Variants in ANKRD11 observed in about 807,000 individuals in gnomAD.
ANKRD11 encodes the protein ankyrin repeat domain 11.
In ANKRD11, 17 loss-of-function variants were observed where a neutral mutation model predicts 195.7. The observed-to-expected ratio is 0.09, with a 90% confidence interval of 0.06 to 0.13. ANKRD11 has a LOEUF of 0.13. ANKRD11 is among the 10% of genes least tolerant of loss of function. The pLI is 1.00. For missense variants in ANKRD11, 3,735 were observed against 3,566.1 expected (o/e 1.05, Z -1.21); for synonymous variants, 1,953 against 1,528.1 (o/e 1.28, Z -6.49).
In ANKRD11 at chr16:89,337,426, A is replaced by ATTT. The variant is rs763560924; in HGVS notation, c.-59-20349_-59-20348insAAA. Reference sequence around the variant, plus strand: ...ACAATACATGAACATGGTCTAAGCAATTCTTTTTTTTTTTTTTTTTTTTTT... The same window carrying ATTT: ...ACAATACATGAACATGGTCTAAGCAATTTTTCTTTTTTTTTTTTTTTTTTTTTT... On this transcript the variant is annotated intron_variant, in intron 2 of 12. Transcript: ENST00000301030. Among the ~76,000 whole-genome samples the ATTT allele has an allele frequency of 1.4e-3, 61 of 43,756 alleles. 2 individuals are homozygous for ATTT. Among genetic ancestry groups the ATTT allele is most frequent in the Admixed American group, 2.6e-3 (10 of 3,840 alleles). 28.7% of individuals were successfully genotyped at this position (43,756 alleles called of 152,430 possible). A position where few individuals can be genotyped will look rare whatever the true frequency, so the allele number is the denominator to read the frequency against.
intron 1 of ANKRD11, among the ~76,000 whole-genome samples, chr16:89,448,565 A>T (rs2043913280): frequency 6.6e-6 from 1 of 152,252 alleles, no homozygotes; most frequent in African/African-American, 2.4e-5. Context: ...CCAAAAGTTG[A>T]AACTAAAAAT....
In ANKRD11 at chr16:89,271,826, T is replaced by C. The variant is rs117134125; in HGVS notation, c.7714-917A>G. On this transcript the variant is annotated intron_variant, in intron 11 of 12. Coordinates refer to ENST00000301030, the MANE Select transcript of ANKRD11 (RefSeq NM_013275.6). ...AACACTGGGGAAAATCTCCAGGACA[T>C]TGGCCTGGGCAAACATTTCTCAAGC... 6.6e-5 allele frequency: 10 copies of C among 152,222 alleles called. No homozygotes were observed. In the East Asian group the frequency reaches 9.7e-4, roughly 15 times the overall value. 9.4% of individuals were successfully genotyped at this position (152,222 alleles called of 1,614,324 possible).
chr16:89,278,691 C>T (rs556822731), intron 9 of ANKRD11: 6 of 466,966 alleles, frequency 1.3e-5, no homozygotes, highest in East Asian at 6.4e-5. Context: ...GAGAAGGGGG[C>T]GGGGCAGGGG....
intron 9 of ANKRD11, chr16:89,278,779 G>C (rs932226528): frequency 1.6e-6 from 1 of 606,828 alleles, no homozygotes; most frequent in South Asian, 1.5e-5. Context: ...GCGGCGTGAA[G>C]GGGGAGCCCC....
intron 4 of ANKRD11, chr16:89,301,682 G>C: frequency 2.5e-6 from 1 of 398,730 alleles, no homozygotes; most frequent in Admixed American, 4.4e-5. Context: ...CGTCTGCCTG[G>C]ACAGCCTCCA....
intron 1 of ANKRD11, among the ~76,000 whole-genome samples, chr16:89,465,644 T>C (rs1287572970): frequency 1.3e-5 from 2 of 152,254 alleles, no homozygotes; most frequent in African/African-American, 4.8e-5. Flanking sequence ...CATGTACTCC[T>C]GCACGTCACG....
At position 89,281,823 on chromosome 16, in the gene ANKRD11, C is replaced by G; in HGVS notation, c.4719G>C (p.Leu1573=). 5 of 1,614,046 alleles carry G rather than the reference C, an allele frequency of 3.1e-6. No homozygotes were observed. Among genetic ancestry groups the G allele is most frequent in the Non-Finnish European group, 4.2e-6 (5 of 1,180,020 alleles). Residue 1573 remains leucine (L), a synonymous_variant, in exon 9 of 13, where the codon CTG becomes CTC. Coordinates refer to ENST00000301030, the MANE Select transcript of ANKRD11 (RefSeq NM_013275.6). The surrounding 1 kb of genome is among the most constrained non-coding windows in gnomAD (Gnocchi z 5.5). ...TGGTCATCATCAGGTCGCCGTCCCC[C>G]AGGAGCTTCTCCCTGGGCCTGGCGT... ...KKDARPREKL[L]GDGDLMMTSF...
chr16:89,310,474 A>C (rs1290089808), intron 3 of ANKRD11, among the ~76,000 whole-genome samples: 1 of 152,214 alleles, frequency 6.6e-6, no homozygotes, highest in African/African-American at 2.4e-5. Flanking sequence ...ATTTCTACCC[A>C]AAAAAGCCCA....
chr16:89,323,124 T>C (rs2037438458), intron 2 of ANKRD11: 1 of 337,934 alleles, frequency 3.0e-6, no homozygotes, highest in African/African-American at 2.2e-5. Context: ...TGTTGTGCGC[T>C]CCGTGGAAAG....
chr16:89,315,878 C>A (rs903395042), intron 3 of ANKRD11, among the ~76,000 whole-genome samples: 4 of 152,172 alleles, frequency 2.6e-5, no homozygotes, highest in Non-Finnish European at 4.4e-5. Context: ...CACACCAAAC[C>A]CACAACATGA....
At chr16:89,404,193 C>A (rs1379958116) in intron 2 of ANKRD11, among the ~76,000 whole-genome samples, 1 of 152,208 alleles carries the variant, frequency 6.6e-6, no homozygotes, top group Non-Finnish European at 1.5e-5. Context: ...CAGCCTCAGG[C>A]AGCATGGGGT....
chr16:89,377,930 C>A (rs1051372191), intron 2 of ANKRD11, among the ~76,000 whole-genome samples: 3 of 151,940 alleles, frequency 2.0e-5, no homozygotes, highest in Non-Finnish European at 4.4e-5. Flanking sequence ...AGGATGAAGA[C>A]CTTCATGATG....
At chr16:89,377,471 G>C (rs1455877794) in intron 2 of ANKRD11, among the ~76,000 whole-genome samples, 9 of 152,036 alleles carry the variant, frequency 5.9e-5, no homozygotes, top group African/African-American at 2.2e-4. Flanking sequence ...CGGACATGTG[G>C]GCCGGGGCAG....
rs370951586 is a variant in ANKRD11 at position 89,284,952 on chromosome 16, G to A, written c.1590C>T (p.Ala530=). ...TGTGGCTGGGGTTCTGCTTCTGGGC[G>A]GCAGAGCTCCCGTGAGACGAGGTGG... ...ASSTSSHGSS[A]AQKQNPSHTD... Residue 530 remains alanine, a synonymous_variant, in exon 9 of 13, where the codon GCC becomes GCT. Coordinates refer to ENST00000301030, the MANE Select transcript of ANKRD11 (RefSeq NM_013275.6). The A allele has an allele frequency of 1.2e-5, 19 of 1,614,134 alleles. No homozygotes were observed. Among genetic ancestry groups the A allele is most frequent in the Middle Eastern group, 1.7e-4 (1 of 6,054 alleles).
intron 3 of ANKRD11, among the ~76,000 whole-genome samples, chr16:89,314,356 T>C (rs2036813476): frequency 6.6e-6 from 1 of 152,130 alleles, no homozygotes; most frequent in Non-Finnish European, 1.5e-5. Context: ...CACACATCCC[T>C]CACAGCACAC....
At position 89,285,517 on chromosome 16, in the gene ANKRD11, G is replaced by T. The variant is rs769076092; in HGVS notation, c.1025C>A (p.Pro342His). 5 of 1,614,038 alleles carry T rather than the reference G, an allele frequency of 3.1e-6. No individual in the cohort carries two copies. The highest frequency in any genetic ancestry group is 2.5e-6 in the Non-Finnish European group (3 of 1,179,964). The change falls in exon 9 of 13, where the codon CCC (proline) becomes CAC (histidine). Residue 342 changes from proline (P) to histidine (H), a missense_variant. Transcript: ENST00000301030. This position sits in a 1 kb window ranked among gnomAD's most constrained non-coding sequence, Gnocchi z 5.6. ...KNPEPQKATA[P>H]VKDEYEFDED... is the part of the protein sequence containing the mutation. ...ATCAAACTCATACTCGTCCTTGACGGGGGCCGTGGCCTTCTGTGGCTCTGG... is the reference window on the plus strand; with the variant it reads ...ATCAAACTCATACTCGTCCTTGACGTGGGCCGTGGCCTTCTGTGGCTCTGG...
At position 89,270,590 on chromosome 16, in the gene ANKRD11, C is replaced by G. The variant is rs997070316; in HGVS notation, c.7806+227G>C. The G allele has an allele frequency of 1.9e-5, 11 of 584,352 alleles. No individual in the cohort carries two copies. The African/African-American group carries it at 2.0e-4, about 11-fold the overall frequency. 36.2% of individuals were successfully genotyped at this position (584,352 alleles called of 1,614,324 possible). A position where few individuals can be genotyped will look rare whatever the true frequency, so the allele number is the denominator to read the frequency against. On this transcript the variant is annotated intron_variant, in intron 12 of 12. Coordinates refer to ENST00000301030, the MANE Select transcript of ANKRD11 (RefSeq NM_013275.6). The stretch of plus-strand genomic sequence containing the variant: ...TGTTGAGCTGGCGACAGGAGCCGCT[C>G]CCTGCACACCGGGACAGAAGGGAAG...
intron 2 of ANKRD11, chr16:89,328,881 G>A (rs1365167007): frequency 8.9e-6 from 1 of 112,056 alleles, no homozygotes; most frequent in Non-Finnish European, 1.8e-5. Context: ...TGCTGAGTGA[G>A]TGGACATACC....
At chr16:89,311,075 A>T (rs1458279186) in intron 3 of ANKRD11, among the ~76,000 whole-genome samples, 1 of 152,210 alleles carries the variant, frequency 6.6e-6, no homozygotes, top group Non-Finnish European at 1.5e-5. Context: ...CTCTATTCCT[A>T]GTTTGCAGAA....
Sources: gnomAD v4.1 joint callset for allele counts (sites outside exome capture counted in the v4.1 genomes callset) on GRCh38, gnomAD v4.1.1 for gene constraint, Gnocchi (gnomAD v3.1) non-coding constraint, MANE v1.5 for transcripts, NCBI Gene and HGNC (gene_info 2026-07-23, HGNC 2026-07-21) for gene names.